The following RIMS2 variants were observed in gnomAD, a reference collection of about 807,000 sequenced individuals.
RIMS2 encodes the protein regulating synaptic membrane exocytosis 2.
Under a neutral mutation model 174.4 loss-of-function variants are expected in RIMS2, and 59 were observed. The ratio of observed to expected loss-of-function variants is 0.34; its 90% CI spans 0.27 to 0.42. RIMS2 has a LOEUF of 0.42. Ranked by LOEUF, RIMS2 falls within the 10% of genes least tolerant of loss-of-function variation. The pLI is 1.00. For synonymous variants in RIMS2, 606 were observed against 572.5 expected (o/e 1.06, Z -0.84); for missense variants, 1,620 against 1,666.3 (o/e 0.97, Z 0.48).
At chr8:103,721,078 T>C (rs994408408) in intron 2 of RIMS2, among the ~76,000 whole-genome samples, 5 of 152,106 alleles carry the variant, frequency 3.3e-5, no homozygotes, top group Non-Finnish European at 7.4e-5. Context: ...ATCCCTTTGG[T>C]GCTGTTCTCC....
At chr8:103,599,647 C>G (rs2094623250) in intron 1 of RIMS2, among the ~76,000 whole-genome samples, 1 of 151,692 alleles carries the variant, frequency 6.6e-6, no homozygotes, top group African/African-American at 2.4e-5. Flanking sequence ...GACGAGACCT[C>G]ACTATACTAC....
intron 19 of RIMS2, among the ~76,000 whole-genome samples, chr8:104,211,190 G>A (rs957414332): frequency 2.6e-5 from 4 of 152,110 alleles, no homozygotes; most frequent in South Asian, 2.1e-4. Context: ...GGTTAGAGTC[G>A]AGTAGGGGTG....
At chr8:103,787,560 G>C (rs1260169201) in intron 3 of RIMS2, among the ~76,000 whole-genome samples, 1 of 151,900 alleles carries the variant, frequency 6.6e-6, no homozygotes. Context: ...TGAAATTCTG[G>C]GTTGAAAATT....
chr8:104,114,805 AT>A (rs1305934787), intron 19 of RIMS2, among the ~76,000 whole-genome samples: 3 of 152,082 alleles, frequency 2.0e-5, no homozygotes, highest in Admixed American at 2.0e-4. Context: ...TTTTTATTCA[AT>A]TTTTATAATC....
At chr8:104,002,656 G>T (rs892665932) in intron 17 of RIMS2, among the ~76,000 whole-genome samples, 1 of 152,130 alleles carries the variant, frequency 6.6e-6, no homozygotes, top group African/African-American at 2.4e-5. Flanking sequence ...GCCATAGTTT[G>T]GCTATATGAT....
intron 1 of RIMS2, among the ~76,000 whole-genome samples, chr8:103,673,955 G>A (rs766025198): frequency 1.8e-4 from 28 of 152,186 alleles, no homozygotes; most frequent in Non-Finnish European, 3.7e-4. Flanking sequence ...GAAGCAGGGA[G>A]GCCACATCTT....
intron 1 of RIMS2, among the ~76,000 whole-genome samples, chr8:103,608,805 T>C (rs7010723): frequency 0.18 from 27,561 of 151,820 alleles, 2,745 homozygotes; most frequent in African/African-American, 0.26. Context: ...AACTCCCTGA[T>C]CCGTTGCACT....
intron 1 of RIMS2, among the ~76,000 whole-genome samples, chr8:103,635,753 G>C (rs948612818): frequency 6.6e-6 from 1 of 152,116 alleles, no homozygotes; most frequent in Non-Finnish European, 1.5e-5. Context: ...CAGCTGAGCT[G>C]TGCTGGGGTT....
At chr8:104,253,921 T>C (rs1334158741), downstream of RIMS2, 2 of 152,166 alleles carry the variant, frequency 1.3e-5, no homozygotes, top group Non-Finnish European at 2.9e-5. Flanking sequence ...CAAGACTGTG[T>C]CTTGACATTC....
chr8:103,975,704 G>T, intron 16 of RIMS2, 198 bp downstream of exon 18: 1 of 424,676 alleles, frequency 2.4e-6, no homozygotes. Context: ...CTTAGTCCAA[G>T]TGTGAGTCCA....
chr8:103,964,245 ACGTCTGTACCAT>A (rs1223456580), intron 15 of RIMS2, among the ~76,000 whole-genome samples: 1 of 152,242 alleles, frequency 6.6e-6, no homozygotes, highest in Admixed American at 6.5e-5. Flanking sequence ...AAGTTCCAAA[ACGTCTGTACCAT>A]TTTGCATTCC....
chr8:103,967,170 G>GTTTTTTTTTTTTTTTTTTTTTTTT lies in RIMS2; in HGVS notation c.2770+6044_2770+6067dup, dbSNP rs71575988. Among the ~76,000 whole-genome samples the GTTTTTTTTTTTTTTTTTTTTTTTT allele has an allele frequency of 1.6e-4, 4 of 24,962 alleles. 1 individual carries two copies. The highest frequency in any genetic ancestry group is 8.4e-4 in the African/African-American group (4 of 4,738). 16.4% of individuals were successfully genotyped at this position (24,962 alleles called of 152,430 possible). On this transcript the variant is annotated intron_variant, in intron 15 of 23. Transcript: ENST00000504942. ...TTTTCTGCCTGCTTGATCTGTTCTTGTTTTTTTTTTTTTTTTTTTTTTTTT... is the reference window on the plus strand; with the variant it reads ...TTTTCTGCCTGCTTGATCTGTTCTTGTTTTTTTTTTTTTTTTTTTTTTTTTTTTTTTTTTTTTTTTTTTTTTTTT...
intron 1 of RIMS2, among the ~76,000 whole-genome samples, chr8:103,576,178 C>A (rs2093221423): frequency 6.6e-6 from 1 of 152,206 alleles, no homozygotes; most frequent in Admixed American, 6.5e-5. Flanking sequence ...AGGCTATCCC[C>A]TTTGGGACTC....
At chr8:104,225,982 G>T (rs1274890759) in intron 19 of RIMS2, among the ~76,000 whole-genome samples, 1 of 152,152 alleles carries the variant, frequency 6.6e-6, no homozygotes, top group Admixed American at 6.5e-5. Flanking sequence ...TACTCTGCAG[G>T]ATTGTAAAAG....
intron 1 of RIMS2, among the ~76,000 whole-genome samples, chr8:103,587,440 GAAAGAAAGAAAGAAAGAAAGAAAGAAAGA>G (rs1298963414): frequency 1.4e-4 from 17 of 123,280 alleles, no homozygotes; most frequent in Admixed American, 2.3e-4. Context: ...AAGAAAGAAA[GAAAGAAAGAAAGAAAGAAAGAAAGAAAGA>G]AACTATGCAC....
At chr8:103,858,185 C>CA (rs1263952940) in intron 3 of RIMS2, among the ~76,000 whole-genome samples, 2 of 152,144 alleles carry the variant, frequency 1.3e-5, no homozygotes, top group African/African-American at 4.8e-5. Context: ...GGATGAGCTT[C>CA]AAAAACATTT....
intron 3 of RIMS2, among the ~76,000 whole-genome samples, chr8:103,881,705 C>A (rs1418243141): frequency 6.6e-6 from 1 of 151,356 alleles, no homozygotes; most frequent in East Asian, 1.9e-4. Flanking sequence ...ACATGACAAA[C>A]AATTGTAAGC....
chr8:103,903,933 C>G (rs1336462803), intron 4 of RIMS2, among the ~76,000 whole-genome samples: 1 of 152,106 alleles, frequency 6.6e-6, no homozygotes, highest in Non-Finnish European at 1.5e-5. Flanking sequence ...GTGGTTATAT[C>G]TTGCTTAGCT....
intron 2 of RIMS2, among the ~76,000 whole-genome samples, chr8:103,713,624 G>A (rs1485488804): frequency 1.3e-5 from 2 of 152,048 alleles, no homozygotes; most frequent in African/African-American, 4.8e-5. Flanking sequence ...CTAGACTAAG[G>A]CCAATCTTCT....
Sources: gnomAD v4.1 joint callset for allele counts (sites outside exome capture counted in the v4.1 genomes callset) on GRCh38, gnomAD v4.1.1 for gene constraint, MANE v1.5 for transcripts, NCBI Gene and HGNC (gene_info 2026-07-23, HGNC 2026-07-21) for gene names.